Variants in DNAJC5B observed in about 807,000 individuals in gnomAD.
DNAJC5B encodes the protein DnaJ heat shock protein family (Hsp40) member C5 beta, also known as dnaJ homolog subfamily C member 5B.
In DNAJC5B, 23 loss-of-function variants were observed where a neutral mutation model predicts 24.7. That is an observed-to-expected ratio of 0.93 (90% confidence interval 0.67 to 1.32). The LOEUF (loss-of-function observed/expected upper bound fraction) is 1.32. Among genes scored for constraint, DNAJC5B ranks in the 40% most tolerant of loss-of-function variants. DNAJC5B has a pLI of 0.00. For synonymous variants in DNAJC5B, 101 were observed against 90.1 expected, an observed-to-expected ratio of 1.12 and a Z score of -0.68; for missense variants, 238 against 240.8, an observed-to-expected ratio of 0.99 and a Z score of 0.08.
intron 5 of DNAJC5B, among the ~76,000 whole-genome samples, chr8:66,095,941 T>C (rs1342483236): frequency 6.6e-6 from 1 of 152,172 alleles, no homozygotes; most frequent in African/African-American, 2.4e-5. Context: ...TTTTTATAAA[T>C]GTTCCACATT....
chr8:66,015,399 A>G, the DNAJC5B span, among the ~76,000 whole-genome samples: 3 of 152,002 alleles, frequency 2.0e-5, no homozygotes, highest in African/African-American at 7.3e-5. Context: ...AATGTAGTAG[A>G]TCATTTTTTT....
chr8:66,015,336 CTT>C, the DNAJC5B span, among the ~76,000 whole-genome samples: 7 of 152,176 alleles, frequency 4.6e-5, no homozygotes, highest in South Asian at 1.5e-3. Flanking sequence ...AGCCTGTGTT[CTT>C]TTGTCTCCTC....
chr8:66,061,634 T>C (rs187504986), intron 3 of DNAJC5B, among the ~76,000 whole-genome samples: 2,134 of 150,844 alleles, frequency 0.014, 26 homozygotes, highest in African/African-American at 0.036. Flanking sequence ...TGTGTGTGTG[T>C]GCGCGTGTAT....
intron 2 of DNAJC5B, among the ~76,000 whole-genome samples, chr8:66,044,369 C>T (rs1213553799): frequency 6.6e-6 from 1 of 152,100 alleles, no homozygotes; most frequent in Non-Finnish European, 1.5e-5. Context: ...CTCCTCTGCC[C>T]ACATTCATTT....
At chr8:66,029,824 G>A (rs1007719521) in intron 1 of DNAJC5B, among the ~76,000 whole-genome samples, 1 of 152,126 alleles carries the variant, frequency 6.6e-6, no homozygotes, top group Non-Finnish European at 1.5e-5. Context: ...GCCCTCTAAA[G>A]AGACTGGATC....
At chr8:66,042,653 C>G (rs1251338462) in intron 1 of DNAJC5B, among the ~76,000 whole-genome samples, 2 of 150,152 alleles carry the variant, frequency 1.3e-5, no homozygotes, top group Non-Finnish European at 3.0e-5. Context: ...CCTCCTTCTT[C>G]TTCTTCCTCC....
intron 5 of DNAJC5B, among the ~76,000 whole-genome samples, chr8:66,083,927 T>A (rs984782155): frequency 6.6e-6 from 1 of 152,144 alleles, no homozygotes; most frequent in Non-Finnish European, 1.5e-5. Flanking sequence ...GTGGCCAAAA[T>A]ATCTGTCTTT....
chr8:66,081,462 C>T (rs925805958), intron 5 of DNAJC5B, among the ~76,000 whole-genome samples: 6 of 152,028 alleles, frequency 3.9e-5, no homozygotes, highest in Admixed American at 2.0e-4. Flanking sequence ...AGACAGTGGC[C>T]CATTTTTGTC....
At chr8:66,061,634 TGC>T (rs745990774) in intron 3 of DNAJC5B, among the ~76,000 whole-genome samples, 5 of 150,880 alleles carry the variant, frequency 3.3e-5, no homozygotes, top group East Asian at 1.9e-4. Flanking sequence ...TGTGTGTGTG[TGC>T]GCGTGTATAA....
chr8:66,043,716 G>C (rs1003956173), intron 2 of DNAJC5B, 105 bp downstream of exon 2: 2 of 152,200 alleles, frequency 1.3e-5, no homozygotes, highest in Non-Finnish European at 1.5e-5. Flanking sequence ...ACACAGAATC[G>C]GGGTTCCGGG....
At chr8:66,047,275 T>G (rs1476996832) in intron 2 of DNAJC5B, among the ~76,000 whole-genome samples, 1 of 152,216 alleles carries the variant, frequency 6.6e-6, no homozygotes, top group Non-Finnish European at 1.5e-5. Flanking sequence ...GCAATAGTGC[T>G]TGGATGGCCC....
chr8:66,082,924 G>A (rs1807629270), intron 5 of DNAJC5B, among the ~76,000 whole-genome samples: 1 of 151,604 alleles, frequency 6.6e-6, no homozygotes, highest in Non-Finnish European at 1.5e-5. Flanking sequence ...CGCTTCCCCT[G>A]AGGCTTTGTG....
Position 66,076,744 on chromosome 8 carries a change from C to A in DNAJC5B, c.204C>A (p.His68Gln), listed in dbSNP as rs1193025101. Residue 68 changes from histidine to glutamine, a missense_variant, in exon 4 of 6, where the codon CAC becomes CAA. Coordinates refer to ENST00000276570, the MANE Select transcript of DNAJC5B (RefSeq NM_033105.6). ...TEKFKEINNA[H>Q]AILTDISKRS... ...AGTTTAAAGAAATCAACAACGCCCA[C>A]GCAATACTTACCGACATTTCAAAGA... The A allele has an allele frequency of 1.9e-6, 3 of 1,614,160 alleles. No homozygotes were observed. The highest frequency in any genetic ancestry group is 2.5e-6 in the Non-Finnish European group (3 of 1,180,024).
intron 1 of DNAJC5B, among the ~76,000 whole-genome samples, chr8:66,028,531 C>T (rs1175288139): frequency 1.3e-5 from 2 of 152,174 alleles, no homozygotes; most frequent in East Asian, 1.9e-4. Context: ...TTATCTTTGG[C>T]AAACCTGTTC....
intron 1 of DNAJC5B, among the ~76,000 whole-genome samples, chr8:66,024,529 A>C: frequency 8.3e-6 from 1 of 120,398 alleles, no homozygotes; most frequent in African/African-American, 3.8e-5. Flanking sequence ...GCACCCACTA[A>C]CGTGTCATCT....
intron 5 of DNAJC5B, among the ~76,000 whole-genome samples, chr8:66,086,483 C>T (rs1179929294): frequency 6.6e-6 from 1 of 152,096 alleles, no homozygotes; most frequent in Non-Finnish European, 1.5e-5. Context: ...CTTTTGCCAA[C>T]AGAAATTTTT....
intron 2 of DNAJC5B, among the ~76,000 whole-genome samples, chr8:66,050,208 G>A (rs1246868112): frequency 6.6e-6 from 1 of 152,188 alleles, no homozygotes; most frequent in African/African-American, 2.4e-5. Flanking sequence ...ACCATGCTCA[G>A]GGAGCTGCCA....
At chr8:66,081,931 G>C (rs1451676239) in intron 5 of DNAJC5B, among the ~76,000 whole-genome samples, 1 of 152,010 alleles carries the variant, frequency 6.6e-6, no homozygotes, top group Non-Finnish European at 1.5e-5. Flanking sequence ...CTTTTAATGG[G>C]GTCATTTATA....
At chr8:66,041,242 G>C (rs1048220805) in intron 1 of DNAJC5B, among the ~76,000 whole-genome samples, 4 of 152,168 alleles carry the variant, frequency 2.6e-5, no homozygotes, top group African/African-American at 7.2e-5. Context: ...TAATGCCTTT[G>C]TTCATCATGT....
Sources: allele counts gnomAD v4.1 joint callset (sites outside exome capture counted in the v4.1 genomes callset), GRCh38; gene constraint gnomAD v4.1.1; transcripts MANE v1.5; gene names NCBI Gene and HGNC (gene_info 2026-07-23, HGNC 2026-07-21).